AGBL4: variants seen among roughly 807,000 people sequenced by gnomAD.
AGBL4 encodes the protein AGBL carboxypeptidase 4.
Under a neutral mutation model 66.4 loss-of-function variants are expected in AGBL4, and 58 were observed. The ratio of observed to expected loss-of-function variants is 0.87; its 90% CI spans 0.71 to 1.09. The LOEUF (loss-of-function observed/expected upper bound fraction) is 1.09, where lower values mean the gene tolerates loss of function less well. Among genes scored for constraint, AGBL4 ranks in the 50% least tolerant of loss-of-function variants. The probability of loss-of-function intolerance (pLI) is 0.00; values close to 1 mark genes in which losing one functional copy is unlikely to be tolerated. For synonymous variants in AGBL4, 234 were observed against 222.9 expected (o/e 1.05, Z -0.44); for missense variants, 579 against 631.0 (o/e 0.92, Z 0.88).
intron 3 of AGBL4, among the ~76,000 whole-genome samples, chr1:49,562,303 T>C (rs1644069296): frequency 6.6e-6 from 1 of 152,184 alleles, no homozygotes; most frequent in South Asian, 2.1e-4. Flanking sequence ...GCAGAAGCTC[T>C]TTAGTTTAAT....
At chr1:48,897,504 A>G (rs1651635633) in intron 5 of AGBL4, among the ~76,000 whole-genome samples, 1 of 152,186 alleles carries the variant, frequency 6.6e-6, no homozygotes, top group Admixed American at 6.5e-5. Flanking sequence ...CAGTAGTGGA[A>G]TTGCTAGATC....
chr1:48,551,282 T>C (rs559685273), intron 11 of AGBL4, among the ~76,000 whole-genome samples: 2 of 152,338 alleles, frequency 1.3e-5, no homozygotes, highest in African/African-American at 4.8e-5. Context: ...TTTAGCTGTG[T>C]GAACCTGGGC....
At chr1:48,782,449 T>C (rs1423702303) in intron 6 of AGBL4, among the ~76,000 whole-genome samples, 1 of 152,194 alleles carries the variant, frequency 6.6e-6, no homozygotes, top group Non-Finnish European at 1.5e-5. Context: ...TGCAAAACTA[T>C]TTTTAAGGAG....
chr1:49,338,691 A>G (rs905663662), intron 3 of AGBL4, among the ~76,000 whole-genome samples: 40 of 152,184 alleles, frequency 2.6e-4, no homozygotes, highest in Non-Finnish European at 2.9e-5. Context: ...GCAAGGAACT[A>G]AGTAAAATGC....
At chr1:49,743,604 G>A (rs1375104053) in intron 2 of AGBL4, among the ~76,000 whole-genome samples, 8 of 152,216 alleles carry the variant, frequency 5.3e-5, no homozygotes, top group South Asian at 4.1e-4. Flanking sequence ...ACATGCGCAC[G>A]TATGTTTATT....
rs1644041959 is a variant in AGBL4 at position 49,270,824 on chromosome 1, G to C, written c.283-24960C>G. Among the ~76,000 whole-genome samples, 3 of 152,004 alleles carry C rather than the reference G, an allele frequency of 2.0e-5. No homozygotes were observed. The South Asian group carries it at 6.2e-4, about 32-fold the overall frequency. Reference sequence around the variant, plus strand: ...GATAGGTCCTTTAAGTTTGACTCCTGAATTTTAAAAAAGGAGAGATTTCTT... The same window carrying C: ...GATAGGTCCTTTAAGTTTGACTCCTCAATTTTAAAAAAGGAGAGATTTCTT... On this transcript the variant is annotated intron_variant, in intron 3 of 13. Coordinates refer to ENST00000371839, the MANE Select transcript of AGBL4 (RefSeq NM_032785.4).
chr1:49,795,641 ATG>A (rs1202897944), intron 2 of AGBL4, among the ~76,000 whole-genome samples: 3 of 151,320 alleles, frequency 2.0e-5, no homozygotes, highest in African/African-American at 7.3e-5. Flanking sequence ...GTGTGTGTGT[ATG>A]TGTGTGTGTG....
intron 1 of AGBL4, among the ~76,000 whole-genome samples, chr1:49,964,367 C>T (rs1196494904): frequency 1.3e-5 from 2 of 152,102 alleles, no homozygotes; most frequent in Admixed American, 1.3e-4. Flanking sequence ...CATACAGTTG[C>T]TGTATTAAAC....
chr1:48,549,429 C>T (rs1644216373), intron 11 of AGBL4, among the ~76,000 whole-genome samples: 1 of 151,952 alleles, frequency 6.6e-6, no homozygotes, highest in African/African-American at 2.4e-5. Context: ...GAGGCACCCC[C>T]TAGGTAAGAA....
chr1:49,611,374 C>CTTT lies in AGBL4; in HGVS notation c.282+85936_282+85938dup, dbSNP rs35960918. Among the ~76,000 whole-genome samples the CTTT allele has an allele frequency of 6.3e-4, 74 of 117,840 alleles. 1 individual carries two copies. The highest frequency in any genetic ancestry group is 9.8e-4 in the Non-Finnish European group (57 of 57,904). The allele number at this position is 117,840 out of a possible 152,430, so 77.3% of individuals were successfully genotyped here. A position where few individuals can be genotyped will look rare whatever the true frequency, so the allele number is the denominator to read the frequency against. Reference sequence around the variant, plus strand: ...TGGATATTTAGGTATCAACCATATTCTTTTTTTTTTTTTTTTTTTTGAGAT... The same window carrying CTTT: ...TGGATATTTAGGTATCAACCATATTCTTTTTTTTTTTTTTTTTTTTTTTGAGAT... On this transcript the variant is annotated intron_variant, in intron 3 of 13. Transcript: ENST00000371839.
chr1:50,012,865 T>G (rs902214634), intron 1 of AGBL4, among the ~76,000 whole-genome samples: 1 of 152,170 alleles, frequency 6.6e-6, no homozygotes, highest in Non-Finnish European at 1.5e-5. Flanking sequence ...AACAACTTTT[T>G]TGCCAACTTG....
intron 11 of AGBL4, among the ~76,000 whole-genome samples, chr1:48,580,093 T>C (rs1644716629): frequency 6.6e-6 from 1 of 152,078 alleles, no homozygotes; most frequent in Admixed American, 6.5e-5. Flanking sequence ...AGAAAACCAG[T>C]TTCACCATCT....
At chr1:49,082,196 G>A (rs1644821079) in intron 4 of AGBL4, among the ~76,000 whole-genome samples, 2 of 152,200 alleles carry the variant, frequency 1.3e-5, no homozygotes, top group Non-Finnish European at 2.9e-5. Context: ...TGTGATGTAG[G>A]AGAGAAGACA....
chr1:48,764,289 A>G (rs542101032), intron 6 of AGBL4, among the ~76,000 whole-genome samples: 1 of 152,332 alleles, frequency 6.6e-6, no homozygotes, highest in South Asian at 2.1e-4. Context: ...CTCTGAGACT[A>G]TTTCCTCATC....
At chr1:48,585,964 C>A (rs1644812423) in intron 11 of AGBL4, 2 of 152,322 alleles carry the variant, frequency 1.3e-5, no homozygotes, top group Non-Finnish European at 2.9e-5. Flanking sequence ...ACTTCTACCT[C>A]CAGGGAGGGG....
intron 5 of AGBL4, among the ~76,000 whole-genome samples, chr1:48,886,759 A>G: frequency 6.6e-6 from 1 of 151,856 alleles, no homozygotes; most frequent in East Asian, 1.9e-4. Context: ...CACCATGTTA[A>G]CCAGGATGGT....
At chr1:49,849,478 T>TACACAC (rs772101356) in intron 2 of AGBL4, among the ~76,000 whole-genome samples, 4 of 135,830 alleles carry the variant, frequency 2.9e-5, no homozygotes, top group South Asian at 2.4e-4. Context: ...AAAGTATACA[T>TACACAC]ACACACACAC....
chr1:49,289,552 A>G (rs1644494907), intron 3 of AGBL4, among the ~76,000 whole-genome samples: 1 of 152,232 alleles, frequency 6.6e-6, no homozygotes, highest in Admixed American at 6.5e-5. Flanking sequence ...TAGTGGTTAC[A>G]TGTCTGTGTT....
At chr1:49,700,679 A>T (rs115362419) in intron 2 of AGBL4, among the ~76,000 whole-genome samples, 1 of 152,110 alleles carries the variant, frequency 6.6e-6, no homozygotes, top group Non-Finnish European at 1.5e-5. Context: ...TCATTTAAGT[A>T]ATAATATTTT....
Sources: allele counts gnomAD v4.1 joint callset (sites outside exome capture counted in the v4.1 genomes callset), GRCh38; gene constraint gnomAD v4.1.1; transcripts MANE v1.5; gene names NCBI Gene and HGNC (gene_info 2026-07-23, HGNC 2026-07-21).